IKBKB-DT: variants seen among roughly 807,000 people sequenced by gnomAD.
IKBKB-DT encodes the protein IKBKB antisense RNA.
chr8:42,235,606 C>T (rs1010174149), intron 3 of IKBKB-DT, among the ~76,000 whole-genome samples: 7 of 152,276 alleles, frequency 4.6e-5, no homozygotes, highest in East Asian at 1.9e-4. Flanking sequence ...TTCGATTTCC[C>T]GTGATTTCAT....
intron 3 of IKBKB-DT, among the ~76,000 whole-genome samples, chr8:42,244,784 A>G (rs1807043184): frequency 1.3e-5 from 2 of 152,342 alleles, no homozygotes; most frequent in Admixed American, 6.5e-5. Flanking sequence ...GACCACACAC[A>G]AAAGTGCTAT....
intron 3 of IKBKB-DT, among the ~76,000 whole-genome samples, chr8:42,261,666 T>A (rs577159496): frequency 2.0e-5 from 3 of 152,212 alleles, no homozygotes; most frequent in African/African-American, 7.2e-5. Context: ...AACTTGAGCC[T>A]CTCTTTTGTT....
At chr8:42,247,956 A>G (rs1402840524) in intron 3 of IKBKB-DT, among the ~76,000 whole-genome samples, 1 of 151,912 alleles carries the variant, frequency 6.6e-6, no homozygotes, top group East Asian at 1.9e-4. Context: ...AACTGGGCAC[A>G]GTAGTGGGCG....
intron 3 of IKBKB-DT, among the ~76,000 whole-genome samples, chr8:42,237,227 C>T (rs1806937356): frequency 6.6e-6 from 1 of 152,064 alleles, no homozygotes; most frequent in Non-Finnish European, 1.5e-5. Flanking sequence ...GCTGGGATTA[C>T]AGGTGCCCAT....
chr8:42,262,370 T>C (rs1008205126), intron 3 of IKBKB-DT, among the ~76,000 whole-genome samples: 4 of 151,720 alleles, frequency 2.6e-5, no homozygotes, highest in African/African-American at 7.2e-5. Context: ...GAGAAACTTG[T>C]ACCTTCCTCC....
chr8:42,268,129 ATTTTT>A (rs541093630), intron 1 of IKBKB-DT, among the ~76,000 whole-genome samples: 1 of 130,402 alleles, frequency 7.7e-6, no homozygotes, highest in African/African-American at 3.0e-5. Context: ...GTGCTCAATA[ATTTTT>A]TTTTTTTTTT....
chr8:42,251,094 C>A (rs1261203575), intron 3 of IKBKB-DT, among the ~76,000 whole-genome samples: 1 of 152,126 alleles, frequency 6.6e-6, no homozygotes, highest in African/African-American at 2.4e-5. Context: ...GAAACCCCAC[C>A]TCTACTGCTA....
intron 3 of IKBKB-DT, among the ~76,000 whole-genome samples, chr8:42,246,696 G>A (rs1215117118): frequency 6.6e-6 from 1 of 152,138 alleles, no homozygotes; most frequent in African/African-American, 2.4e-5. Context: ...AGCTTCTTAA[G>A]CAGCTTTTCT....
chr8:42,268,459 C>T (rs1189826054), intron 1 of IKBKB-DT, among the ~76,000 whole-genome samples: 8 of 151,496 alleles, frequency 5.3e-5, no homozygotes, highest in African/African-American at 7.3e-5. Context: ...TTAGTAGAGA[C>T]GGGGTTTCAC....
chr8:42,240,711 T>G lies in IKBKB-DT; in HGVS notation n.1530-6852A>C, dbSNP rs138976215. Among the ~76,000 whole-genome samples the G allele has an allele frequency of 3.9e-3, 578 of 148,148 alleles. 12 individuals carry two copies. In the East Asian group the frequency reaches 0.073, roughly 19 times the overall value. ...CAGAATGTGGGCCAGACACTGTGGC[T>G]CATGCCTGTAATCCCAGCACTTTGA... On this transcript the variant is annotated intron_variant and non_coding_transcript_variant, in intron 3 of 3. Coordinates refer to ENST00000518213, the Ensembl canonical transcript of IKBKB-DT.
At chr8:42,241,700 TAGAA>T (rs1807006095) in intron 3 of IKBKB-DT, among the ~76,000 whole-genome samples, 1 of 151,916 alleles carries the variant, frequency 6.6e-6, no homozygotes, top group Admixed American at 6.6e-5. Flanking sequence ...AATGAAAAAA[TAGAA>T]AGCTTCAACC....
intron 3 of IKBKB-DT, among the ~76,000 whole-genome samples, chr8:42,257,754 G>A (rs951058116): frequency 1.3e-5 from 2 of 152,042 alleles, no homozygotes; most frequent in East Asian, 3.9e-4. Context: ...GGCAGCATAG[G>A]AGGAGACCTT....
intron 3 of IKBKB-DT, among the ~76,000 whole-genome samples, chr8:42,242,635 T>C (rs1185108099): frequency 6.6e-6 from 1 of 152,198 alleles, no homozygotes; most frequent in Non-Finnish European, 1.5e-5. Flanking sequence ...CGCTAGTCAT[T>C]GACCTCACTT....
chr8:42,262,501 G>C (rs970679991), intron 3 of IKBKB-DT, among the ~76,000 whole-genome samples: 3 of 151,714 alleles, frequency 2.0e-5, no homozygotes, highest in African/African-American at 7.3e-5. Context: ...GTACAACGGC[G>C]CAATCTTGGC....
intron 3 of IKBKB-DT, among the ~76,000 whole-genome samples, chr8:42,235,183 C>T (rs1233194422): frequency 1.3e-4 from 17 of 125,994 alleles, no homozygotes; most frequent in African/African-American, 2.8e-4. Flanking sequence ...GTGGATTTTT[C>T]TTTTTTCTTT....
chr8:42,250,318 CA>C (rs1487680687), intron 3 of IKBKB-DT, among the ~76,000 whole-genome samples: 1 of 151,878 alleles, frequency 6.6e-6, no homozygotes, highest in African/African-American at 2.4e-5. Flanking sequence ...ATCAGACATA[CA>C]AAAAAACCTG....
At chr8:42,268,816 C>T (rs1807417473) in intron 1 of IKBKB-DT, among the ~76,000 whole-genome samples, 1 of 152,158 alleles carries the variant, frequency 6.6e-6, no homozygotes. Flanking sequence ...ATCTGCCTAC[C>T]TTGGCCTCCC....
At chr8:42,242,799 C>G (rs1357175780) in intron 3 of IKBKB-DT, among the ~76,000 whole-genome samples, 1 of 152,170 alleles carries the variant, frequency 6.6e-6, no homozygotes, top group Non-Finnish European at 1.5e-5. Context: ...CTACAGGGAG[C>G]TGAGGGACAC....
chr8:42,259,014 T>TTTTC (rs547488913), intron 3 of IKBKB-DT, among the ~76,000 whole-genome samples: 185 of 151,990 alleles, frequency 1.2e-3, no homozygotes, highest in Middle Eastern at 6.8e-3. Context: ...TCATAGCAGT[T>TTTTC]TTTCTTTCTT....
Sources: gnomAD v4.1 joint callset for allele counts (sites outside exome capture counted in the v4.1 genomes callset) on GRCh38, gnomAD v4.1.1 for gene constraint, MANE v1.5 for transcripts, NCBI Gene and HGNC (gene_info 2026-07-23, HGNC 2026-07-21) for gene names.